USP48: variants seen among roughly 807,000 people sequenced by gnomAD.
USP48 encodes the protein ubiquitin carboxyl-terminal hydrolase 48.
USP48 carries 43 observed loss-of-function variants against 150.7 expected under a neutral mutation model. The observed-to-expected ratio is 0.29, with a 90% confidence interval of 0.22 to 0.37. The LOEUF is 0.37. Ranked by LOEUF, USP48 falls within the 10% of genes least tolerant of loss-of-function variation. The probability of loss-of-function intolerance (pLI) is 1.00; values close to 1 mark genes in which losing one functional copy is unlikely to be tolerated. For missense variants in USP48, 813 were observed against 1,249.6 expected, an observed-to-expected ratio of 0.65 and a Z score of 5.27; for synonymous variants, 396 against 425.9, an observed-to-expected ratio of 0.93 and a Z score of 0.86.
chr1:21,756,992 A>T, intron 2 of USP48: 1 of 985,400 alleles, frequency 1.0e-6, no homozygotes, highest in Non-Finnish European at 1.2e-6. Flanking sequence ...ATTCTAGAAA[A>T]GATCGGTTTT....
chr1:21,716,725 G>A (rs1211028256), intron 14 of USP48, among the ~76,000 whole-genome samples: 2 of 152,190 alleles, frequency 1.3e-5, no homozygotes, highest in African/African-American at 4.8e-5. Context: ...CCTTAAGTAT[G>A]ATTAAAATCA....
intron 14 of USP48, among the ~76,000 whole-genome samples, chr1:21,715,882 TCAAA>T (rs1160694209): frequency 6.6e-5 from 10 of 152,304 alleles, no homozygotes; most frequent in South Asian, 2.1e-4. Context: ...ACCTTTATCA[TCAAA>T]CAGAGTACTC....
At position 21,739,518 on chromosome 1, in the gene USP48, C is replaced by CAA. The variant is rs61410306; in HGVS notation, c.992-2895_992-2894dup. ...TGGAAAACAAGGCAAGACTCCGTCT[C>CAA]AAAAAAAAAAAAAAAAAAAAAAAAA... On this transcript the variant is annotated intron_variant, in intron 8 of 26. Coordinates refer to ENST00000308271, the MANE Select transcript of USP48 (RefSeq NM_032236.8). 3.6e-4 allele frequency among the ~76,000 whole-genome samples: 24 copies of CAA among 66,316 alleles called. 2 individuals carry two copies. The highest frequency in any genetic ancestry group is 8.5e-4 in the African/African-American group (13 of 15,366). 43.5% of individuals were successfully genotyped at this position (66,316 alleles called of 152,430 possible).
At chr1:21,703,402 A>C in intron 21 of USP48, 110 bp downstream of exon 21, 2 of 661,082 alleles carry the variant, frequency 3.0e-6, no homozygotes. Flanking sequence ...AACAGCTCTG[A>C]AGGAACAAAA....
intron 21 of USP48, among the ~76,000 whole-genome samples, chr1:21,702,682 T>C (rs184819921): frequency 1.3e-5 from 2 of 152,294 alleles, no homozygotes; most frequent in African/African-American, 4.8e-5. Flanking sequence ...TAAAACCTGA[T>C]AGTGTATGGT....
chr1:21,756,278 C>T (rs895941431), intron 3 of USP48, among the ~76,000 whole-genome samples: 4 of 151,574 alleles, frequency 2.6e-5, no homozygotes, highest in Middle Eastern at 3.2e-3. Flanking sequence ...GTCAGGAGTT[C>T]GAGACTAGCC....
At chr1:21,774,558 G>A (rs574049225) in intron 1 of USP48, among the ~76,000 whole-genome samples, 2 of 151,732 alleles carry the variant, frequency 1.3e-5, no homozygotes, top group Admixed American at 6.6e-5. Context: ...GTGGTGGGGC[G>A]CCCCTGTAGT....
rs563650466 is a variant in USP48, at chr1:21,782,229, C to CAGACGTGAAGGACAGCACT, written c.134+576_134+594dup. ...GGAAAGGTAAAGTTCAAGGGCGGCG[C>CAGACGTGAAGGACAGCACT]AGACGTGAAGGACAGCACTATCACA... On this transcript the variant is annotated intron_variant, in intron 1 of 26. Coordinates refer to ENST00000308271, the MANE Select transcript of USP48 (RefSeq NM_032236.8). Among the ~76,000 whole-genome samples, 5 of 152,278 alleles carry CAGACGTGAAGGACAGCACT rather than the reference C, an allele frequency of 3.3e-5. No individual in the cohort carries two copies. In the South Asian group the frequency reaches 1.0e-3, roughly 32 times the overall value.
intron 12 of USP48, among the ~76,000 whole-genome samples, chr1:21,722,473 A>G (rs1048814969): frequency 2.0e-5 from 3 of 150,714 alleles, no homozygotes; most frequent in African/African-American, 7.3e-5. Context: ...TAGAAGTTCT[A>G]GGCTGTAGTG....
chr1:21,717,360 C>T (rs537389285), intron 14 of USP48, among the ~76,000 whole-genome samples: 8 of 151,970 alleles, frequency 5.3e-5, no homozygotes, highest in African/African-American at 1.7e-4. Context: ...GTTGCAATTG[C>T]GTCACTGCTC....
chr1:21,679,543 A>T, intron 26 of USP48, 104 bp from the exon 27 acceptor site: 1 of 1,430,468 alleles, frequency 7.0e-7, no homozygotes, highest in Non-Finnish European at 9.8e-7. Flanking sequence ...CATCAAATTT[A>T]ATAAATGAAC....
At chr1:21,691,674 A>G (rs1466052847) in intron 23 of USP48, among the ~76,000 whole-genome samples, 1 of 152,210 alleles carries the variant, frequency 6.6e-6, no homozygotes, top group Non-Finnish European at 1.5e-5. Flanking sequence ...ACTGGTATAC[A>G]TAATATTTAA....
Position 21,729,824 on chromosome 1 carries a change from A to G in USP48, c.1180T>C (p.Ser394Pro). Residue 394 changes from serine to proline, a missense_variant, in exon 10 of 27, where the codon TCT (serine) becomes CCT (proline). By Grantham distance (74) the Ser-to-Pro change is moderately conservative. Transcript: ENST00000308271. ...LGIEEDLAEP[S>P]KSQTRKPKCG... The stretch of plus-strand genomic sequence containing the variant: ...TTGGGTTTACGTGTCTGAGACTTAG[A>G]AGGTTCTGCTGAGATAGAGAAATCA... The G allele has an allele frequency of 1.9e-6, 3 of 1,614,050 alleles. No homozygotes were observed. The highest frequency in any genetic ancestry group is 2.5e-6 in the Non-Finnish European group (3 of 1,179,972).
At chr1:21,777,203 G>A (rs2097901999) in intron 1 of USP48, among the ~76,000 whole-genome samples, 1 of 151,698 alleles carries the variant, frequency 6.6e-6, no homozygotes, top group East Asian at 1.9e-4. Flanking sequence ...TAGGAGGATG[G>A]CTTGAGCCCC....
chr1:21,776,427 A>G (rs2097898460), intron 1 of USP48, among the ~76,000 whole-genome samples: 1 of 152,100 alleles, frequency 6.6e-6, no homozygotes, highest in African/African-American at 2.4e-5. Flanking sequence ...CTCTTCTTGC[A>G]AAGAGAAGAA....
At position 21,725,718 on chromosome 1, in the gene USP48, G is replaced by A. The variant is rs142973781; in HGVS notation, c.1451-1623C>T. Among the ~76,000 whole-genome samples, 334 of 149,698 alleles carry A rather than the reference G, an allele frequency of 2.2e-3. 2 individuals are homozygous for A. The highest frequency in any genetic ancestry group is 7.1e-3 in the African/African-American group (287 of 40,702). On this transcript the variant is annotated intron_variant, in intron 11 of 26. Coordinates refer to ENST00000308271, the MANE Select transcript of USP48 (RefSeq NM_032236.8). ...TGGTGAGCTGACATTGCACCAGTGCGCTCTAGCCTGGGCAACAAGAGTGAA... is the reference window on the plus strand; with the variant it reads ...TGGTGAGCTGACATTGCACCAGTGCACTCTAGCCTGGGCAACAAGAGTGAA...
intron 4 of USP48, 128 bp from the exon 5 acceptor site, chr1:21,752,779 A>G: frequency 1.6e-6 from 2 of 1,232,452 alleles, no homozygotes; most frequent in African/African-American, 1.5e-5. Flanking sequence ...CAGGGGCTAC[A>G]GCTATGTTCA....
rs1173942339 is a variant in USP48 at position 21,782,841 on chromosome 1, G to A, written c.117C>T (p.Cys39=). The change falls in exon 1 of 27, where the codon TGC becomes TGT. Residue 39 remains cysteine, a synonymous_variant. Transcript: ENST00000308271. ...ETAYRIWLEP[C]IRGVCRRNCK... is the part of the protein sequence containing the mutation. ...GGCCTCACCTGCACACGCCGCGAAT[G>A]CAGGGCTCCAGCCAGATGCGGTAAG... The A allele has an allele frequency of 6.4e-7, 1 of 1,557,676 alleles. No individual in the cohort carries two copies. The highest frequency in any genetic ancestry group is 8.7e-7 in the Non-Finnish European group (1 of 1,152,872).
chr1:21,710,435 C>T (rs1439945602), intron 15 of USP48, among the ~76,000 whole-genome samples: 1 of 152,060 alleles, frequency 6.6e-6, no homozygotes, highest in African/African-American at 2.4e-5. Context: ...CACAGCCCAT[C>T]GTCTAAGCAA....
Sources: gnomAD v4.1 joint callset for allele counts (sites outside exome capture counted in the v4.1 genomes callset) on GRCh38, gnomAD v4.1.1 for gene constraint, MANE v1.5 for transcripts, NCBI Gene and HGNC (gene_info 2026-07-23, HGNC 2026-07-21) for gene names.